PTCH1: variants seen among roughly 807,000 people sequenced by gnomAD.
The protein encoded by PTCH1 is patched 1.
In PTCH1, 14 loss-of-function variants were observed where a neutral mutation model predicts 144.6. That is an observed-to-expected ratio of 0.10 (90% CI 0.06 to 0.15). The LOEUF (loss-of-function observed/expected upper bound fraction) is 0.15. Among genes scored for constraint, PTCH1 ranks in the 10% least tolerant of loss-of-function variants. The pLI is 1.00. For missense variants in PTCH1, 1,623 were observed against 1,948.3 expected (o/e 0.83, Z 3.14); for synonymous variants, 833 against 793.6 (o/e 1.05, Z -0.83).
At chr9:95,472,605 G>A (rs1159976459) in intron 12 of PTCH1, among the ~76,000 whole-genome samples, 1 of 152,224 alleles carries the variant, frequency 6.6e-6, no homozygotes, top group East Asian at 1.9e-4. Flanking sequence ...TCATGAGGAT[G>A]AGGAGAGCAG....
In PTCH1 at chr9:95,461,901, G is replaced by T. The variant is rs1192759234; in HGVS notation, c.2658C>A (p.Leu886=). 1.9e-6 allele frequency: 3 copies of T among 1,614,218 alleles called. No homozygotes were observed. Among genetic ancestry groups the T allele is most frequent in the Non-Finnish European group, 2.5e-6 (3 of 1,180,050 alleles). ...TATCGCGGCTGCCGGTTTGCACCAG[G>T]AGTTTGTAGGCAAGGACTCCATCGT... The part of the protein sequence containing the change: ...GSDDGVLAYK[L]LVQTGSRDKP... Residue 886 remains leucine (L), a synonymous_variant, in exon 16 of 24, where the codon CTC becomes CTA. Transcript: ENST00000331920.
At chr9:95,502,602 C>G (rs948781695) in intron 2 of PTCH1, among the ~76,000 whole-genome samples, 1 of 152,162 alleles carries the variant, frequency 6.6e-6, no homozygotes, top group South Asian at 2.1e-4. Context: ...CACTATAACC[C>G]TAAAACTCAA....
chr9:95,494,160 C>G (rs940494799), intron 2 of PTCH1: 1 of 974,520 alleles, frequency 1.0e-6, no homozygotes, highest in Non-Finnish European at 1.2e-6. Flanking sequence ...AACGCGCATG[C>G]GCCGGAAGCA....
At chr9:95,505,758 T>C (rs901948454) in intron 2 of PTCH1, among the ~76,000 whole-genome samples, 1 of 151,894 alleles carries the variant, frequency 6.6e-6, no homozygotes, top group Non-Finnish European at 1.5e-5. Context: ...TATTTTTTTT[T>C]CCACTCCTTC....
chr9:95,472,095 GA>G (rs1417394165), intron 12 of PTCH1, among the ~76,000 whole-genome samples: 1 of 146,998 alleles, frequency 6.8e-6, no homozygotes, highest in Non-Finnish European at 1.5e-5. Flanking sequence ...TGCTCCCTGT[GA>G]AAAAAACACA....
In PTCH1 at chr9:95,476,355, T is replaced by C. The variant is rs563733816; in HGVS notation, c.1603-196A>G. On this transcript the variant is annotated intron_variant, in intron 11 of 23. Coordinates refer to ENST00000331920, the MANE Select transcript of PTCH1 (RefSeq NM_000264.5). This position sits in a 1 kb window ranked among gnomAD's most constrained non-coding sequence, Gnocchi z 4.6. ...GTACCATCTACAGAGTCATCAATTC[T>C]TCATGGTTATTACCATCCAGAGAAG... 6.6e-6 allele frequency among the ~76,000 whole-genome samples: 1 copy of C among 152,308 alleles called. No individual in the cohort carries two copies. The highest frequency in any genetic ancestry group is 6.5e-5 in the Admixed American group (1 of 15,298).
At chr9:95,447,632 G>A (rs1838079898) in intron 22 of PTCH1, among the ~76,000 whole-genome samples, 181 bp from the exon 23 acceptor site, 1 of 152,226 alleles carries the variant, frequency 6.6e-6, no homozygotes, top group Non-Finnish European at 1.5e-5. Flanking sequence ...CCTGGCGGAG[G>A]AGCGTGTTGT....
At chr9:95,504,025 A>G (rs1843351713) in intron 2 of PTCH1, among the ~76,000 whole-genome samples, 1 of 111,108 alleles carries the variant, frequency 9.0e-6, no homozygotes, top group Non-Finnish European at 2.0e-5. Flanking sequence ...TCCGTCTCAA[A>G]AAAAAAAAAA....
rs2118538185 is a variant in PTCH1, at chr9:95,485,707, C to G, written c.562G>C (p.Val188Leu). The part of the protein sequence containing the change: ...HLDSALQASR[V>L]HVYMYNRQWK... The stretch of plus-strand genomic sequence containing the variant: ...TACCTGTTGTACATGTATACATGGA[C>G]ACGGCTGGCCTGGAGTGCCGAGTCC... Residue 188 changes from valine to leucine, a missense_variant, in exon 3 of 24, where the codon GTC becomes CTC. This residue lies in a region of PTCH1 where 39 missense variants were observed against 75.6 expected (regional missense o/e 0.52). Transcript: ENST00000331920. 6.2e-7 allele frequency: 1 copy of G among 1,614,094 alleles called. No individual in the cohort carries two copies. Among genetic ancestry groups the G allele is most frequent in the Non-Finnish European group, 8.5e-7 (1 of 1,179,994 alleles).
rs1364183098 is a variant in PTCH1 at position 95,516,612 on chromosome 9, C to G, written c.-141G>C. 3.7e-6 allele frequency: 6 copies of G among 1,603,696 alleles called. No homozygotes were observed. The Admixed American group carries it at 8.8e-5, about 23-fold the overall frequency. On this transcript the variant is annotated 5_prime_UTR_variant, in exon 1 of 23. Transcript: ENST00000430669. Reference sequence around the variant, plus strand: ...CCGTCTTCTCCCAGTCTTCCCTCGTCTCCCCCTTGCCTTGTCGCTGCGGGT... The same window carrying G: ...CCGTCTTCTCCCAGTCTTCCCTCGTGTCCCCCTTGCCTTGTCGCTGCGGGT...
chr9:95,514,647 T>TGTGTGTGTGTGTGTGTGTGAGAGA (rs56689083), intron 1 of PTCH1: 6 of 148,800 alleles, frequency 4.0e-5, no homozygotes, highest in African/African-American at 1.5e-4. Context: ...TGTGTGTGTG[T>TGTGTGTGTGTGTGTGTGTGAGAGA]GAGAGAGAGA....
rs1477873669 is a variant in PTCH1, at chr9:95,459,558, A to T, written c.2887+42T>A. Reference sequence around the variant, plus strand: ...CTGAGTTTGGAGAACCAGGGAAGGCACCTCTGTAAGTTCCCAGACCTCCCG... The same window carrying T: ...CTGAGTTTGGAGAACCAGGGAAGGCTCCTCTGTAAGTTCCCAGACCTCCCG... On this transcript the variant is annotated intron_variant, in intron 17 of 23. Coordinates refer to ENST00000331920, the MANE Select transcript of PTCH1 (RefSeq NM_000264.5). The T allele has an allele frequency of 5.0e-6, 8 of 1,609,360 alleles. No homozygotes were observed. In the Admixed American group the frequency reaches 6.7e-5, roughly 13 times the overall value.
At chr9:95,460,106 G>A (rs1190726455) in intron 16 of PTCH1, among the ~76,000 whole-genome samples, 1 of 152,216 alleles carries the variant, frequency 6.6e-6, no homozygotes, top group African/African-American at 2.4e-5. Context: ...ATATTTATAG[G>A]AGGGGAAGGG....
At chr9:95,486,100 C>T (rs1209475672) in intron 2 of PTCH1, among the ~76,000 whole-genome samples, 2 of 152,200 alleles carry the variant, frequency 1.3e-5, no homozygotes, top group Non-Finnish European at 2.9e-5. Flanking sequence ...CCGCCTGTCA[C>T]AGACACAAAC....
intron 12 of PTCH1, among the ~76,000 whole-genome samples, chr9:95,473,565 GAC>G (rs1840771444): frequency 1.6e-5 from 2 of 126,370 alleles, no homozygotes; most frequent in South Asian, 4.9e-4. Context: ...TTTTTTTTGA[GAC>G]AGAGTCTTGT....
At chr9:95,486,942 G>C (rs1842015697) in intron 2 of PTCH1, among the ~76,000 whole-genome samples, 1 of 152,170 alleles carries the variant, frequency 6.6e-6, no homozygotes, top group Non-Finnish European at 1.5e-5. Context: ...TTGATAAGTT[G>C]CATGTTGACT....
intron 2 of PTCH1, among the ~76,000 whole-genome samples, chr9:95,490,728 G>A (rs1194872334): frequency 6.6e-6 from 1 of 152,042 alleles, no homozygotes; most frequent in Non-Finnish European, 1.5e-5. Flanking sequence ...AGAATGAGAG[G>A]GGAAATGAAG....
At chr9:95,507,997 T>C in intron 1 of PTCH1, 164 bp downstream of exon 1, 5 of 1,514,808 alleles carry the variant, frequency 3.3e-6, no homozygotes, top group Non-Finnish European at 4.4e-6. Context: ...GTTTGAATTT[T>C]TCAATCCCCA....
At position 95,459,741 on chromosome 9, in the gene PTCH1, G is replaced by C. The variant is rs2136672735; in HGVS notation, c.2746C>G (p.Pro916Ala). 1 of 1,614,202 alleles carries C rather than the reference G, an allele frequency of 6.2e-7. No individual in the cohort carries two copies. Among genetic ancestry groups the C allele is most frequent in the Non-Finnish European group, 8.5e-7 (1 of 1,180,038 alleles). The change falls in exon 17 of 24, where the codon CCC becomes GCC. Residue 916 changes from proline to alanine, a missense_variant. Physicochemically the swap from Pro to Ala is conservative, Grantham distance 27. Coordinates refer to ENST00000331920, the MANE Select transcript of PTCH1 (RefSeq NM_000264.5). ...RLVDADGIIN[P>A]SAFYIYLTAW... ...GTCAGGTAGATGTAGAAAGCGCTGG[G>C]ATTAATGATGCCATCTGCATCCACC... is the stretch of plus-strand genomic sequence containing the variant.
Sources: gnomAD v4.1 joint callset for allele counts (sites outside exome capture counted in the v4.1 genomes callset) on GRCh38, gnomAD v4.1.1 for gene constraint, gnomAD v4.1.1 regional missense constraint, Gnocchi (gnomAD v3.1) non-coding constraint, MANE v1.5 for transcripts, NCBI Gene and HGNC (gene_info 2026-07-23, HGNC 2026-07-21) for gene names.